NEK11: variants seen among roughly 807,000 people sequenced by gnomAD.
NEK11 encodes serine/threonine-protein kinase Nek11.
A neutral mutation model predicts 80.7 loss-of-function variants in NEK11; 72 were observed. The ratio of observed to expected loss-of-function variants is 0.89; its 90% CI spans 0.74 to 1.08. The LOEUF (loss-of-function observed/expected upper bound fraction) is 1.08, where lower values mean the gene tolerates loss of function less well. Ranked by LOEUF, NEK11 falls within the 50% of genes least tolerant of loss-of-function variation. NEK11 has a pLI of 0.00. For missense variants in NEK11, 764 were observed against 763.6 expected (o/e 1.00, Z -0.01); for synonymous variants, 251 against 260.7 (o/e 0.96, Z 0.36).
chr3:131,254,797 A>G (rs1304798094), intron 16 of NEK11, among the ~76,000 whole-genome samples: 1 of 152,160 alleles, frequency 6.6e-6, no homozygotes, highest in Non-Finnish European at 1.5e-5. Flanking sequence ...AGGTGGGTGG[A>G]TCACCTGAGG....
At chr3:131,132,671 CAT>C (rs2084714416) in intron 5 of NEK11, 72 bp from the exon 6 acceptor site, 1 of 748,066 alleles carries the variant, frequency 1.3e-6, no homozygotes, top group Middle Eastern at 2.3e-4. Flanking sequence ...TGTGCAACAA[CAT>C]ATATTATTTA....
chr3:131,192,974 C>T (rs4974476), intron 14 of NEK11, among the ~76,000 whole-genome samples: 11,060 of 152,124 alleles, frequency 0.073, 548 homozygotes, highest in Non-Finnish European at 0.11. Context: ...CACCTTAACA[C>T]GCTTAAAAAT....
At chr3:131,228,185 T>C (rs1049297042) in intron 14 of NEK11, among the ~76,000 whole-genome samples, 7 of 152,220 alleles carry the variant, frequency 4.6e-5, no homozygotes, top group Non-Finnish European at 8.8e-5. Flanking sequence ...CCAGGACATC[T>C]TGTCCTACCT....
chr3:131,287,047 G>A (rs2096481226), intron 17 of NEK11, among the ~76,000 whole-genome samples: 1 of 152,140 alleles, frequency 6.6e-6, no homozygotes, highest in South Asian at 2.1e-4. Flanking sequence ...CCCTAGTATT[G>A]CCCACTCCAT....
chr3:131,271,930 G>T (rs1369391541), intron 16 of NEK11, among the ~76,000 whole-genome samples: 1 of 151,350 alleles, frequency 6.6e-6, no homozygotes, highest in Non-Finnish European at 1.5e-5. Flanking sequence ...GAGATAACCT[G>T]TCTCTACTAA....
At chr3:131,288,245 G>A (rs927714403) in intron 17 of NEK11, among the ~76,000 whole-genome samples, 3 of 152,054 alleles carry the variant, frequency 2.0e-5, no homozygotes, top group African/African-American at 7.2e-5. Flanking sequence ...ATGTTTTCAG[G>A]TCTTCCTCCT....
At chr3:131,123,050 C>G (rs1006154752) in intron 5 of NEK11, among the ~76,000 whole-genome samples, 8 of 152,086 alleles carry the variant, frequency 5.3e-5, no homozygotes, top group African/African-American at 1.9e-4. Flanking sequence ...TGCCTGTTAC[C>G]TTATTATTTG....
At chr3:131,166,333 AT>A (rs554287302) in intron 12 of NEK11, among the ~76,000 whole-genome samples, 4 of 152,284 alleles carry the variant, frequency 2.6e-5, no homozygotes, top group South Asian at 2.1e-4. Context: ...TGTGGGGACA[AT>A]CCCCCAAGCC....
At chr3:131,068,312 C>A (rs1286365597) in intron 3 of NEK11, among the ~76,000 whole-genome samples, 1 of 152,200 alleles carries the variant, frequency 6.6e-6, no homozygotes, top group Non-Finnish European at 1.5e-5. Flanking sequence ...TCAGGCCCCA[C>A]TCTAGAGCTG....
chr3:131,267,427 T>G (rs2096080765), intron 16 of NEK11, among the ~76,000 whole-genome samples: 2 of 152,248 alleles, frequency 1.3e-5, no homozygotes, highest in Admixed American at 6.5e-5. Context: ...GTAAAGGATT[T>G]TATTTCTCCC....
At chr3:131,067,750 G>A (rs771418300) in intron 3 of NEK11, among the ~76,000 whole-genome samples, 6 of 152,152 alleles carry the variant, frequency 3.9e-5, no homozygotes, top group Non-Finnish European at 8.8e-5. Context: ...ATACATTAAG[G>A]TAATAAATTA....
intron 17 of NEK11, among the ~76,000 whole-genome samples, chr3:131,304,561 G>A (rs2096701742): frequency 6.6e-6 from 1 of 151,984 alleles, no homozygotes; most frequent in Non-Finnish European, 1.5e-5. Flanking sequence ...GCTTTCTTGT[G>A]GATGGGTTTT....
intron 5 of NEK11, among the ~76,000 whole-genome samples, chr3:131,117,595 T>A (rs2081499367): frequency 6.6e-6 from 1 of 152,234 alleles, no homozygotes; most frequent in Non-Finnish European, 1.5e-5. Flanking sequence ...TATTGATTCT[T>A]CCTACCCATG....
intron 14 of NEK11, among the ~76,000 whole-genome samples, chr3:131,203,087 C>T (rs1317145013): frequency 1.3e-5 from 2 of 151,976 alleles, no homozygotes; most frequent in Admixed American, 1.3e-4. Context: ...GGGTATATAC[C>T]CAAAGGATTA....
chr3:131,085,066 A>G (rs910215329), intron 4 of NEK11, among the ~76,000 whole-genome samples: 9 of 152,194 alleles, frequency 5.9e-5, no homozygotes, highest in African/African-American at 1.9e-4. Context: ...TAGTTTTATG[A>G]TCAAGCCATT....
intron 7 of NEK11, among the ~76,000 whole-genome samples, chr3:131,142,272 G>A (rs991712941): frequency 2.0e-5 from 3 of 152,164 alleles, no homozygotes; most frequent in Non-Finnish European, 2.9e-5. Flanking sequence ...AAGAATATTC[G>A]CAAAGAGCAA....
At chr3:131,269,532 C>CTTT in intron 16 of NEK11, among the ~76,000 whole-genome samples, 1 of 152,174 alleles carries the variant, frequency 6.6e-6, no homozygotes, top group East Asian at 1.9e-4. Context: ...CCCCACCCTG[C>CTTT]TTCAGCTCAC....
In NEK11 at chr3:131,152,541, T is replaced by G; in HGVS notation, c.797+4T>G. ...AACTAAATGCCATCATGGAAAGGTA[T>G]AGAAATAAACATGTTGTCACAGAAA... On this transcript the variant is annotated splice_donor_region_variant and intron_variant, in intron 8 of 17. Transcript: ENST00000383366. 6.2e-7 allele frequency: 1 copy of G among 1,612,264 alleles called. No homozygotes were observed. Among genetic ancestry groups the G allele is most frequent in the Non-Finnish European group, 8.5e-7 (1 of 1,179,164 alleles).
intron 4 of NEK11, among the ~76,000 whole-genome samples, chr3:131,083,373 G>A (rs2075556911): frequency 6.6e-6 from 1 of 152,252 alleles, no homozygotes; most frequent in African/African-American, 2.4e-5. Flanking sequence ...GCTGCTGGCA[G>A]TGCTGAGAGA....
Sources: allele counts gnomAD v4.1 joint callset (sites outside exome capture counted in the v4.1 genomes callset), GRCh38; gene constraint gnomAD v4.1.1; transcripts MANE v1.5; gene names NCBI Gene and HGNC (gene_info 2026-07-23, HGNC 2026-07-21).